Variants in BIRC6 observed in about 807,000 individuals in gnomAD.
The protein encoded by BIRC6 is baculoviral IAP repeat containing 6, also known as dual E2 ubiquitin-conjugating enzyme/E3 ubiquitin-protein ligase BIRC6.
In BIRC6, 98 loss-of-function variants were observed where a neutral mutation model predicts 503.3. That is an observed-to-expected ratio of 0.19 (90% confidence interval 0.17 to 0.23). The LOEUF is 0.23. Among genes scored for constraint, BIRC6 ranks in the 10% least tolerant of loss-of-function variants. The pLI is 1.00. For synonymous variants in BIRC6, 2,240 were observed against 2,078.7 expected (o/e 1.08, Z -2.11); for missense variants, 5,360 against 5,806.0 (o/e 0.92, Z 2.50).
At chr2:32,570,394 G>A (rs540827352) in intron 65 of BIRC6, among the ~76,000 whole-genome samples, 3 of 152,308 alleles carry the variant, frequency 2.0e-5, no homozygotes, top group Admixed American at 2.0e-4. Context: ...ATGTTGGTCA[G>A]GCTGGTCTCG....
At chr2:32,532,094 GT>G in intron 61 of BIRC6, 1 of 528,068 alleles carries the variant, frequency 1.9e-6, no homozygotes, top group South Asian at 1.4e-5. Flanking sequence ...CTTTGTGTTT[GT>G]TGAATGAAGT....
At chr2:32,377,985 G>C (rs561201314) in intron 2 of BIRC6, among the ~76,000 whole-genome samples, 17 of 152,218 alleles carry the variant, frequency 1.1e-4, no homozygotes, top group Admixed American at 7.2e-4. Flanking sequence ...TGTGAATGGT[G>C]CATCAGCACA....
rs762911506 is a variant in BIRC6 at position 32,473,176 on chromosome 2, C to T, written c.6657C>T (p.Gly2219=). The T allele has an allele frequency of 1.0e-5, 16 of 1,569,306 alleles. No homozygotes were observed. Among genetic ancestry groups the T allele is most frequent in the African/African-American group, 2.7e-5 (2 of 73,918 alleles). The change falls in exon 33 of 74, where the codon GGC becomes GGT. Residue 2219 remains glycine (G), a synonymous_variant. Coordinates refer to ENST00000421745, the MANE Select transcript of BIRC6 (RefSeq NM_016252.4). ...HTQSLNRSSK[G]SSSLDRLYSR... is the part of the protein sequence containing the mutation. Reference sequence around the variant, plus strand: ...AGAGCTTAAATAGATCTTCTAAAGGCAGCAGTAGCCTTGATAGATTATATT... The same window carrying T: ...AGAGCTTAAATAGATCTTCTAAAGGTAGCAGTAGCCTTGATAGATTATATT...
intron 13 of BIRC6, 137 bp from the exon 14 acceptor site, chr2:32,435,359 G>T: frequency 4.3e-6 from 4 of 938,018 alleles, no homozygotes; most frequent in Non-Finnish European, 5.9e-6. Flanking sequence ...GAAAATCACA[G>T]AAGTTCCCAA....
At position 32,434,366 on chromosome 2, in the gene BIRC6, C is replaced by T. The variant is rs116620023; in HGVS notation, c.3409+562C>T. 9.9e-3 allele frequency among the ~76,000 whole-genome samples: 1,503 copies of T among 152,164 alleles called. 16 individuals are homozygous for T. The highest frequency in any genetic ancestry group is 0.048 in the Middle Eastern group (14 of 294). On this transcript the variant is annotated intron_variant, in intron 13 of 73. Coordinates refer to ENST00000421745, the MANE Select transcript of BIRC6 (RefSeq NM_016252.4). ...TTTCACGGTAAAATGGCAACTTAAC[C>T]CCAGTTTCAAACATTGAAACTTGAA...
At chr2:32,555,211 T>C (rs2058689216) in intron 65 of BIRC6, among the ~76,000 whole-genome samples, 2 of 152,210 alleles carry the variant, frequency 1.3e-5, no homozygotes, top group African/African-American at 4.8e-5. Context: ...TTCTTTGTAC[T>C]GTTTTAATAA....
intron 39 of BIRC6, among the ~76,000 whole-genome samples, chr2:32,483,210 C>A (rs568757985): frequency 6.6e-6 from 1 of 152,218 alleles, no homozygotes; most frequent in East Asian, 1.9e-4. Context: ...AGCCACCATG[C>A]CTGGCTTTAT....
At position 32,467,714 on chromosome 2, in the gene BIRC6, C is replaced by T. The variant is rs1030194510; in HGVS notation, c.5546C>T (p.Pro1849Leu). The T allele has an allele frequency of 3.1e-6, 5 of 1,613,372 alleles. No individual in the cohort carries two copies. The Admixed American group carries it at 6.7e-5, about 22-fold the overall frequency. The change falls in exon 27 of 74, where the codon CCA becomes CTA. Residue 1849 changes from proline (P) to leucine (L), a missense_variant. Pro to Leu is a moderately conservative substitution (Grantham distance 98). Around this residue, in one of 16 missense-constraint regions of BIRC6, gnomAD observed 2,299 missense variants for 2,267.2 expected, o/e 1.01. Transcript: ENST00000421745. ...TCACTAATTCTTCATGACTTAATAC[C>T]ACCTCCCGTGTGCAGATTCATGAAG... ...THSLILHDLIPPPVCRFMKIT... is the reference protein window; with the variant it reads ...THSLILHDLILPPVCRFMKIT...
chr2:32,603,127 C>T (rs966829900), intron 71 of BIRC6, 44 bp downstream of exon 71: 5 of 1,522,346 alleles, frequency 3.3e-6, no homozygotes, highest in Non-Finnish European at 4.5e-6. Flanking sequence ...AAATAAAGAA[C>T]TGTGTAGTAT....
rs2045499869 is a variant in BIRC6 at position 32,442,095 on chromosome 2, A to C, written c.3975A>C (p.Ser1325=). ...AACGATGTGCCATGTTACAGTTTTC[A>C]GAATTTCATGAGAAGCTTCTTAATA... ...RVQRCAMLQF[S]EFHEKLLNTL... Residue 1325 remains serine (S), a synonymous_variant, in exon 18 of 74, where the codon TCA becomes TCC. Coordinates refer to ENST00000421745, the MANE Select transcript of BIRC6 (RefSeq NM_016252.4). The C allele has an allele frequency of 6.3e-6, 10 of 1,593,064 alleles. No homozygotes were observed. The highest frequency in any genetic ancestry group is 8.5e-6 in the Non-Finnish European group (10 of 1,173,890).
chr2:32,526,296 A>G (rs559087580), intron 59 of BIRC6, among the ~76,000 whole-genome samples: 6 of 152,306 alleles, frequency 3.9e-5, no homozygotes, highest in African/African-American at 9.6e-5. Context: ...GTGGGTAACA[A>G]AACTGCAAAT....
At chr2:32,438,060 A>G (rs147477721) in intron 15 of BIRC6, among the ~76,000 whole-genome samples, 1,908 of 152,250 alleles carry the variant, frequency 0.013, 26 homozygotes, top group Non-Finnish European at 0.016. Flanking sequence ...CCAAAGTGCT[A>G]GGATTACAGG....
intron 62 of BIRC6, among the ~76,000 whole-genome samples, chr2:32,544,260 T>G (rs1026097047): frequency 3.9e-5 from 6 of 152,112 alleles, no homozygotes; most frequent in African/African-American, 1.4e-4. Context: ...TGAATATAGT[T>G]TTTTTCAGAA....
At chr2:32,607,427 A>C in intron 71 of BIRC6, 28 bp from the exon 72 acceptor site, 1 of 1,427,794 alleles carries the variant, frequency 7.0e-7, no homozygotes, top group Non-Finnish European at 9.3e-7. Context: ...ATGTCCCATC[A>C]TAGCTGTTCT....
chr2:32,576,313 C>T (rs2060260142), intron 66 of BIRC6, among the ~76,000 whole-genome samples: 1 of 152,158 alleles, frequency 6.6e-6, no homozygotes, highest in African/African-American at 2.4e-5. Context: ...AGTTTGTTTA[C>T]ACCTTAGTAG....
At position 32,448,675 on chromosome 2, in the gene BIRC6, G is replaced by T. The variant is rs550861810; in HGVS notation, c.4485-120G>T. 94 of 748,948 alleles carry T rather than the reference G, an allele frequency of 1.3e-4. No individual in the cohort carries two copies. In the South Asian group the frequency reaches 1.8e-3, roughly 15 times the overall value. The allele number at this position is 748,948 out of a possible 1,614,324, so 46.4% of individuals were successfully genotyped here. On this transcript the variant is annotated intron_variant, in intron 21 of 73. Coordinates refer to ENST00000421745, the MANE Select transcript of BIRC6 (RefSeq NM_016252.4). ...CGTGGAGAGGGGAGAGGGGAGAGGG[G>T]AGAGGGGAGAGGGAGAGCCCTCTGC...
In BIRC6 at chr2:32,392,152, TAAA is replaced by T; in HGVS notation, c.951+7_951+9del. Reference sequence around the variant, plus strand: ...GCTCAAGCTGGATTTTATCATCAGGTAAAAAAAGAATATAAAAAAATACTTTTC... The same window carrying T: ...GCTCAAGCTGGATTTTATCATCAGGTAAAAGAATATAAAAAAATACTTTTC... On this transcript the variant is annotated splice_donor_5th_base_variant and intron_variant, in intron 5 of 73. Transcript: ENST00000421745. 1 of 1,548,948 alleles carries T rather than the reference TAAA, an allele frequency of 6.5e-7. No individual in the cohort carries two copies. Among genetic ancestry groups the T allele is most frequent in the Non-Finnish European group, 8.8e-7 (1 of 1,139,496 alleles).
At chr2:32,543,602 G>T in intron 62 of BIRC6, 61 bp downstream of exon 62, 1 of 1,471,172 alleles carries the variant, frequency 6.8e-7, no homozygotes, top group Non-Finnish European at 9.3e-7. Context: ...AAGGTATCCA[G>T]ATCATTGCCT....
At chr2:32,615,027 G>C (rs147711557) in intron 73 of BIRC6, among the ~76,000 whole-genome samples, 2,736 of 152,224 alleles carry the variant, frequency 0.018, 36 homozygotes, top group Non-Finnish European at 0.028. Context: ...CTCTGCTTCT[G>C]TAGAGGCCTC....
Sources: gnomAD v4.1 joint callset for allele counts (sites outside exome capture counted in the v4.1 genomes callset) on GRCh38, gnomAD v4.1.1 for gene constraint, gnomAD v4.1.1 regional missense constraint, MANE v1.5 for transcripts, NCBI Gene and HGNC (gene_info 2026-07-23, HGNC 2026-07-21) for gene names.